Variants in TMPRSS11A observed in about 807,000 individuals in gnomAD.
TMPRSS11A encodes the protein transmembrane serine protease 11A, also known as transmembrane protease serine 11A.
TMPRSS11A carries 53 observed loss-of-function variants against 58.9 expected under a neutral mutation model. The observed-to-expected ratio is 0.90, with a 90% CI of 0.72 to 1.13. The LOEUF is 1.13. TMPRSS11A is among the 50% of genes most tolerant of loss of function. TMPRSS11A has a pLI of 0.00. For missense variants in TMPRSS11A, 493 were observed against 499.3 expected (o/e 0.99, Z 0.12); for synonymous variants, 167 against 169.8 (o/e 0.98, Z 0.13).
rs1720366572 is a variant in TMPRSS11A at position 67,922,857 on chromosome 4, G to A, written c.590C>T (p.Ala197Val). 1.9e-6 allele frequency: 3 copies of A among 1,613,896 alleles called. No individual in the cohort carries two copies. Among genetic ancestry groups the A allele is most frequent in the Non-Finnish European group, 8.5e-7 (1 of 1,179,912 alleles). The stretch of plus-strand genomic sequence containing the variant: ...CTGAAGGGAAGCTTGCCAAGGCCAG[G>A]CCGCCTTGGGTGCAATGACTCCAGA... ...IASGVIAPKA[A>V]WPWQASLQYD... The change falls in exon 7 of 10, where the codon GCC becomes GTC. Residue 197 changes from alanine (A) to valine (V), a missense_variant. Transcript: ENST00000508048.
Position 67,963,421 on chromosome 4 carries a change from G to A in TMPRSS11A, c.-28C>T, listed in dbSNP as rs1345539337. ...ACAGGAGGAAGAATATGATCTTGCAGGTCTGCACCCACTGAACTCAACTTT... is the reference window on the plus strand; with the variant it reads ...ACAGGAGGAAGAATATGATCTTGCAAGTCTGCACCCACTGAACTCAACTTT... On this transcript the variant is annotated 5_prime_UTR_variant, in exon 1 of 10. Coordinates refer to ENST00000508048, the MANE Select transcript of TMPRSS11A (RefSeq NM_001114387.2). 4 of 1,612,690 alleles carry A rather than the reference G, an allele frequency of 2.5e-6. No homozygotes were observed. Among genetic ancestry groups the A allele is most frequent in the African/African-American group, 1.3e-5 (1 of 74,878 alleles).
intron 3 of TMPRSS11A, among the ~76,000 whole-genome samples, chr4:67,935,854 A>C (rs1408375552): frequency 3.9e-5 from 6 of 152,018 alleles, no homozygotes. Context: ...CTGTTTTTGG[A>C]CATTTTAGGT....
At chr4:67,918,948 C>G in intron 8 of TMPRSS11A, 25 bp downstream of exon 8, 13 of 1,613,172 alleles carry the variant, frequency 8.1e-6, no homozygotes, top group Non-Finnish European at 1.1e-5. Context: ...GCTTAGCGCT[C>G]TGTTAGCTAT....
Position 67,952,590 on chromosome 4 carries a change from C to T in TMPRSS11A, c.12-6019G>A, listed in dbSNP as rs193122799. 2.0e-4 allele frequency among the ~76,000 whole-genome samples: 30 copies of T among 152,222 alleles called. No homozygotes were observed. The East Asian group carries it at 5.6e-3, about 28-fold the overall frequency. Reference sequence around the variant, plus strand: ...TTTCCTCCCCATCCCCACAGAGGTTCCCATAATGGTGGCCAAAGTAATGTC... The same window carrying T: ...TTTCCTCCCCATCCCCACAGAGGTTTCCATAATGGTGGCCAAAGTAATGTC... On this transcript the variant is annotated intron_variant, in intron 1 of 9. Coordinates refer to ENST00000508048, the MANE Select transcript of TMPRSS11A (RefSeq NM_001114387.2).
At chr4:67,927,103 C>T (rs1720493027) in intron 5 of TMPRSS11A, among the ~76,000 whole-genome samples, 3 of 152,160 alleles carry the variant, frequency 2.0e-5, no homozygotes, top group Admixed American at 2.0e-4. Context: ...TCGTCTTGCT[C>T]ACCCTCCACT....
At chr4:67,935,090 AG>A (rs1720719823) in intron 3 of TMPRSS11A, among the ~76,000 whole-genome samples, 1 of 152,206 alleles carries the variant, frequency 6.6e-6, no homozygotes, top group African/African-American at 2.4e-5. Context: ...ATTATATAAG[AG>A]GGATTTTTAA....
intron 2 of TMPRSS11A, 147 bp downstream of exon 2, chr4:67,946,303 A>C: frequency 1.4e-6 from 1 of 719,180 alleles, no homozygotes; most frequent in South Asian, 2.9e-5. Flanking sequence ...TTGTTTGTTG[A>C]TGAAATGACT....
intron 1 of TMPRSS11A, among the ~76,000 whole-genome samples, chr4:67,950,658 G>A (rs1721132780): frequency 6.6e-6 from 1 of 152,202 alleles, no homozygotes; most frequent in South Asian, 2.1e-4. Flanking sequence ...CTGAAAATAT[G>A]CCTTTCAGGA....
chr4:67,953,910 G>A (rs1447704110), intron 1 of TMPRSS11A, among the ~76,000 whole-genome samples: 1 of 152,160 alleles, frequency 6.6e-6, no homozygotes, highest in Non-Finnish European at 1.5e-5. Context: ...CAACACAAGA[G>A]GAAGAAACAA....
chr4:67,921,652 A>T (rs1560564608), intron 7 of TMPRSS11A, among the ~76,000 whole-genome samples: 1 of 152,238 alleles, frequency 6.6e-6, no homozygotes, highest in Non-Finnish European at 1.5e-5. Flanking sequence ...AAGAGTCTCT[A>T]TAAAGATTTA....
chr4:67,947,592 T>A (rs1476598303), intron 1 of TMPRSS11A, among the ~76,000 whole-genome samples: 4 of 152,222 alleles, frequency 2.6e-5, no homozygotes, highest in Non-Finnish European at 5.9e-5. Flanking sequence ...GTTAAATTCA[T>A]TTGGCAAGAA....
chr4:67,948,805 A>G (rs1428830733), intron 1 of TMPRSS11A, among the ~76,000 whole-genome samples: 1 of 152,214 alleles, frequency 6.6e-6, no homozygotes, highest in African/African-American at 2.4e-5. Flanking sequence ...AAGATTGTTT[A>G]GTGTGATTGA....
chr4:67,929,918 C>G lies in TMPRSS11A; in HGVS notation c.443G>C (p.Arg148Thr), dbSNP rs376441427. 1.2e-6 allele frequency: 2 copies of G among 1,613,500 alleles called. No individual in the cohort carries two copies. Among genetic ancestry groups the G allele is most frequent in the Non-Finnish European group, 8.5e-7 (1 of 1,179,664 alleles). ...SILNQKIRNL[R>T]ALPINASSVQ... ...TGATGAGGCATTTATTGGCAAGGCT[C>G]TTAAATTCCTTATCTTCTGATTTAA... is the stretch of plus-strand genomic sequence containing the variant. The change falls in exon 5 of 10, where the codon AGA (arginine) becomes ACA (threonine). Residue 148 changes from arginine to threonine, a missense_variant. By Grantham distance (71) the Arg-to-Thr change is moderately conservative. Coordinates refer to ENST00000508048, the MANE Select transcript of TMPRSS11A (RefSeq NM_001114387.2).
At chr4:67,946,619 C>A (rs760397669) in intron 1 of TMPRSS11A, 48 bp from the exon 2 acceptor site, 1 of 1,568,220 alleles carries the variant, frequency 6.4e-7, no homozygotes, top group East Asian at 2.4e-5. Context: ...GCAATGCTTG[C>A]AGGTTTTCCA....
intron 9 of TMPRSS11A, among the ~76,000 whole-genome samples, chr4:67,914,336 A>G (rs1577849588): frequency 1.3e-5 from 2 of 152,204 alleles, no homozygotes; most frequent in East Asian, 3.8e-4. Flanking sequence ...TGAGAAAATA[A>G]ACTGCTTTAT....
At chr4:67,917,059 T>C (rs1321482301) in intron 8 of TMPRSS11A, among the ~76,000 whole-genome samples, 7 of 152,122 alleles carry the variant, frequency 4.6e-5, no homozygotes, top group Non-Finnish European at 7.4e-5. Context: ...TCTAGCAAAA[T>C]ATTGATTTTA....
intron 8 of TMPRSS11A, among the ~76,000 whole-genome samples, chr4:67,916,819 T>C (rs1202864687): frequency 2.0e-5 from 3 of 152,016 alleles, no homozygotes; most frequent in Non-Finnish European, 4.4e-5. Context: ...AGAGCGAGAC[T>C]CTGTTTCAAA....
chr4:67,922,468 G>A (rs1259245876), intron 7 of TMPRSS11A, among the ~76,000 whole-genome samples: 6 of 152,154 alleles, frequency 3.9e-5, no homozygotes, highest in African/African-American at 1.4e-4. Context: ...TGTTATTAGT[G>A]AATATTTTGT....
At position 67,962,290 on chromosome 4, in the gene TMPRSS11A, C is replaced by T. The variant is rs566342051; in HGVS notation, c.11+1093G>A. On this transcript the variant is annotated intron_variant, in intron 1 of 9. Transcript: ENST00000508048. Reference sequence around the variant, plus strand: ...TTACTGAAGGACTGATGCAAACATGCATTTTGTGAGTGGGGAAGGAAACCT... The same window carrying T: ...TTACTGAAGGACTGATGCAAACATGTATTTTGTGAGTGGGGAAGGAAACCT... Among the ~76,000 whole-genome samples the T allele has an allele frequency of 1.7e-4, 26 of 152,086 alleles. No homozygotes were observed. In the Middle Eastern group the frequency reaches 0.01, roughly 60 times the overall value.
Sources: allele counts gnomAD v4.1 joint callset (sites outside exome capture counted in the v4.1 genomes callset), GRCh38; gene constraint gnomAD v4.1.1; transcripts MANE v1.5; gene names NCBI Gene and HGNC (gene_info 2026-07-23, HGNC 2026-07-21).